MAPK6: variants seen among roughly 807,000 people sequenced by gnomAD.
MAPK6 encodes mitogen-activated protein kinase 6.
In MAPK6, 19 loss-of-function variants were observed where a neutral mutation model predicts 59.3. That is an observed-to-expected ratio of 0.32 (90% confidence interval 0.22 to 0.47). The LOEUF (loss-of-function observed/expected upper bound fraction) is 0.47, where lower values mean the gene tolerates loss of function less well. MAPK6 is among the 20% of genes least tolerant of loss of function. The pLI, the probability that MAPK6 is intolerant of heterozygous loss-of-function variation, is 1.00. For synonymous variants in MAPK6, 316 were observed against 290.3 expected (o/e 1.09, Z -0.90); for missense variants, 724 against 847.9 (o/e 0.85, Z 1.81).
intron 2 of MAPK6, among the ~76,000 whole-genome samples, chr15:51,998,708 T>TTTTTTTTTTTTTTTTTTTTA (rs71130113): frequency 1.6e-5 from 2 of 122,492 alleles, no homozygotes; most frequent in African/African-American, 3.0e-5. Context: ...TTTTTTTTTT[T>TTTTTTTTTTTTTTTTTTTTA]GAGACGGAGT....
chr15:51,981,329 C>T (rs939059457), intron 1 of MAPK6, among the ~76,000 whole-genome samples: 5 of 151,794 alleles, frequency 3.3e-5, no homozygotes, highest in Middle Eastern at 3.4e-3. Context: ...AAAAATTAGC[C>T]GCGTGTGGTG....
intron 3 of MAPK6, among the ~76,000 whole-genome samples, chr15:52,055,311 G>A (rs1426228107): frequency 6.6e-6 from 1 of 152,222 alleles, no homozygotes; most frequent in African/African-American, 2.4e-5. Context: ...AGGGGCTCAG[G>A]TGGGAGGATT....
At chr15:52,016,070 G>GCGCGCAAACACACACACACA, upstream of MAPK6, among the ~76,000 whole-genome samples, 2 of 55,392 alleles carry the variant, frequency 3.6e-5, no homozygotes, top group African/African-American at 1.4e-4. Context: ...GCGCGCGCGC[G>GCGCGCAAACACACACACACA]CACACACACA....
At chr15:52,030,314 C>G (rs909082002) in intron 1 of MAPK6, among the ~76,000 whole-genome samples, 2 of 152,172 alleles carry the variant, frequency 1.3e-5, no homozygotes, top group African/African-American at 4.8e-5. Flanking sequence ...GCAGAAGAAC[C>G]TTGTCTGTCT....
chr15:52,062,246 C>T (rs777668205), intron 5 of MAPK6, among the ~76,000 whole-genome samples: 2 of 150,932 alleles, frequency 1.3e-5, no homozygotes, highest in African/African-American at 2.4e-5. Context: ...AGGCTGGTCT[C>T]GAACTCCTGA....
chr15:51,993,342 TA>T (rs1351574171), intron 2 of MAPK6, among the ~76,000 whole-genome samples: 2 of 152,126 alleles, frequency 1.3e-5, no homozygotes, highest in Non-Finnish European at 1.5e-5. Flanking sequence ...GAAGGGTTTT[TA>T]GGAGCGCTAC....
chr15:51,975,051 A>C (rs2057153478), intron 1 of MAPK6, among the ~76,000 whole-genome samples: 1 of 151,734 alleles, frequency 6.6e-6, no homozygotes, highest in African/African-American at 2.4e-5. Flanking sequence ...TGATTAAATA[A>C]AACAACTTCA....
Position 52,046,954 on chromosome 15 carries a change from T to G in MAPK6, c.494T>G (p.Leu165Trp), listed in dbSNP as rs762089050. Residue 165 changes from leucine (L) to tryptophan (W), a missense_variant, in exon 2 of 6, where the codon TTG becomes TGG. Around this residue, in one of 4 missense-constraint regions of MAPK6, gnomAD observed 105 missense variants for 191.9 expected, o/e 0.55. Transcript: ENST00000261845. ...PANLFINTED[L>W]VLKIGDFGLA... ...AATCTTTTCATTAATACGGAAGACTTGGTGCTGAAGATAGGTGACTTTGGT... is the reference window on the plus strand; with the variant it reads ...AATCTTTTCATTAATACGGAAGACTGGGTGCTGAAGATAGGTGACTTTGGT... The G allele has an allele frequency of 6.2e-7, 1 of 1,611,442 alleles. No homozygotes were observed. Among genetic ancestry groups the G allele is most frequent in the East Asian group, 2.2e-5 (1 of 44,888 alleles).
chr15:51,985,062 G>A (rs1431413206), intron 2 of MAPK6, among the ~76,000 whole-genome samples: 1 of 152,156 alleles, frequency 6.6e-6, no homozygotes, highest in Non-Finnish European at 1.5e-5. Flanking sequence ...ATATTGCCAG[G>A]CAAAAATTGT....
intron 3 of MAPK6, among the ~76,000 whole-genome samples, chr15:52,009,693 A>G (rs1181870850): frequency 6.6e-6 from 1 of 152,218 alleles, no homozygotes; most frequent in Non-Finnish European, 1.5e-5. Context: ...CCATTATTTA[A>G]AAAGTAAATG....
intron 3 of MAPK6, among the ~76,000 whole-genome samples, chr15:52,007,701 C>A (rs575469310): frequency 5.1e-5 from 6 of 117,462 alleles, no homozygotes; most frequent in Admixed American, 8.5e-5. Context: ...AGAGCTCTAT[C>A]TCAAAAAAAA....
intron 2 of MAPK6, among the ~76,000 whole-genome samples, chr15:51,985,855 G>A (rs553140425): frequency 2.0e-5 from 3 of 152,224 alleles, no homozygotes; most frequent in African/African-American, 7.2e-5. Flanking sequence ...CTACTCGGGA[G>A]GCTGAGGCAG....
intron 3 of MAPK6, among the ~76,000 whole-genome samples, chr15:52,010,836 GC>G (rs2030035559): frequency 6.6e-6 from 1 of 152,134 alleles, no homozygotes; most frequent in Non-Finnish European, 1.5e-5. Flanking sequence ...TACTCTTGTT[GC>G]CCCATCCAAT....
At chr15:52,019,597 CGCGTCCCCGCGCGG>C (rs2030425159) in intron 1 of MAPK6, among the ~76,000 whole-genome samples, 1 of 146,168 alleles carries the variant, frequency 6.8e-6, no homozygotes, top group South Asian at 2.1e-4. Flanking sequence ...GCCTGGCCGG[CGCGTCCCCGCGCGG>C]GCGGGCGGGC....
rs371245995 is a variant in MAPK6, at chr15:52,046,689, A to G, written c.229A>G (p.Ile77Val). 31 of 1,614,056 alleles carry G rather than the reference A, an allele frequency of 1.9e-5. No individual in the cohort carries two copies. The African/African-American group carries it at 3.1e-4, about 16-fold the overall frequency. Residue 77 changes from isoleucine to valine, a missense_variant, in exon 2 of 6, where the codon ATT (isoleucine) becomes GTT (valine). Ile to Val is a conservative substitution (Grantham distance 29). Transcript: ENST00000261845. ...KIIRRLDHDN[I>V]VKVFEILGPS... ...TATTAGAAGACTTGACCATGATAAC[A>G]TTGTGAAAGTGTTTGAGATTCTTGG... is the stretch of plus-strand genomic sequence containing the variant.
chr15:52,066,752 A>G lies in MAPK6; in HGVS notation c.*1752A>G, dbSNP rs897212098. The G allele has an allele frequency of 7.3e-6, 1 of 137,242 alleles. No homozygotes were observed. The highest frequency in any genetic ancestry group is 2.3e-4 in the South Asian group (1 of 4,348). The allele number at this position is 137,242 out of a possible 1,614,324, so 8.5% of individuals were successfully genotyped here. On this transcript the variant is annotated 3_prime_UTR_variant, in exon 6 of 6. Transcript: ENST00000261845. ...TGACTTCATCTGGATTCACAAAGCC[A>G]TATATATACACGTGTGTGTGTGTGT...
chr15:52,021,390 G>C (rs1342611692), intron 1 of MAPK6: 1 of 138,098 alleles, frequency 7.2e-6, no homozygotes, highest in Admixed American at 7.4e-5. Flanking sequence ...TAAATACACT[G>C]TATTTTTTTC....
intron 5 of MAPK6, among the ~76,000 whole-genome samples, chr15:52,063,294 C>G (rs1472072703): frequency 2.6e-5 from 4 of 152,246 alleles, no homozygotes; most frequent in African/African-American, 9.6e-5. Flanking sequence ...AACTCCTGAC[C>G]TCAAGTGATC....
chr15:51,987,720 T>C (rs1194566948), intron 2 of MAPK6, among the ~76,000 whole-genome samples: 2 of 151,828 alleles, frequency 1.3e-5, no homozygotes, highest in Non-Finnish European at 2.9e-5. Flanking sequence ...TTTTTGACTT[T>C]GGCACTTACT....
Sources: allele counts gnomAD v4.1 joint callset (sites outside exome capture counted in the v4.1 genomes callset), GRCh38; gene constraint gnomAD v4.1.1; regional missense constraint gnomAD v4.1.1; transcripts MANE v1.5; gene names NCBI Gene and HGNC (gene_info 2026-07-23, HGNC 2026-07-21).